Variants in CCDC77 observed in about 807,000 individuals in gnomAD.
The protein encoded by CCDC77 is coiled-coil domain-containing protein 77.
A neutral mutation model predicts 66.8 loss-of-function variants in CCDC77; 56 were observed. That is an observed-to-expected ratio of 0.84 (90% CI 0.68 to 1.05). CCDC77 has a LOEUF of 1.05. CCDC77 is among the 50% of genes least tolerant of loss of function. The probability of loss-of-function intolerance (pLI) is 0.00; values close to 1 mark genes in which losing one functional copy is unlikely to be tolerated. For synonymous variants in CCDC77, 196 were observed against 195.2 expected, an observed-to-expected ratio of 1.00 and a Z score of -0.03; for missense variants, 570 against 576.8, an observed-to-expected ratio of 0.99 and a Z score of 0.12.
At position 423,470 on chromosome 12, in the gene CCDC77, G is replaced by GTGTTTTTTTTT. The variant is rs1565572116; in HGVS notation, c.413+4835_413+4836insGTTTTTTTTTT. ...TTGTTATTTTCTGGGTGTTTTTTGT[G>GTGTTTTTTTTT]TTTTTTGTGTTTTTTTTTGTTTTGT... is the stretch of plus-strand genomic sequence containing the variant. On this transcript the variant is annotated intron_variant, in intron 5 of 12. Transcript: ENST00000239830. 2.5e-4 allele frequency among the ~76,000 whole-genome samples: 11 copies of GTGTTTTTTTTT among 44,872 alleles called. 2 individuals carry two copies. The highest frequency in any genetic ancestry group is 2.0e-3 in the Admixed American group (6 of 3,074). 29.4% of individuals were successfully genotyped at this position (44,872 alleles called of 152,430 possible). A position where few individuals can be genotyped will look rare whatever the true frequency, so the allele number is the denominator to read the frequency against.
chr12:393,293 T>C (rs1944782812), intron 1 of CCDC77, among the ~76,000 whole-genome samples: 1 of 151,926 alleles, frequency 6.6e-6, no homozygotes, highest in Admixed American at 6.6e-5. Context: ...AAAAATTTTT[T>C]TGTAGACATG....
At chr12:417,290 C>T (rs572578417) in intron 4 of CCDC77, among the ~76,000 whole-genome samples, 6 of 152,248 alleles carry the variant, frequency 3.9e-5, no homozygotes, top group Non-Finnish European at 8.8e-5. Context: ...CTGACAACAT[C>T]AGGCTCTCTC....
intron 7 of CCDC77, among the ~76,000 whole-genome samples, chr12:431,455 C>G (rs1023564081): frequency 6.6e-6 from 1 of 152,076 alleles, no homozygotes; most frequent in Admixed American, 6.5e-5. Context: ...GTTTTGAACT[C>G]CTGGCTTCAA....
chr12:435,605 A>AACTTAGT (rs1178197744), intron 9 of CCDC77, among the ~76,000 whole-genome samples: 7 of 152,242 alleles, frequency 4.6e-5, no homozygotes, highest in Non-Finnish European at 8.8e-5. Context: ...AGAACTCCAC[A>AACTTAGT]ACTTAGTACT....
rs148408432 is a variant in CCDC77 at position 409,805 on chromosome 12, C to T, written c.38+384C>T. The T allele has an allele frequency of 0.031, 4,704 of 152,538 alleles. 432 individuals are homozygous for T. In the East Asian group the frequency reaches 0.31, roughly 10 times the overall value. 9.4% of individuals were successfully genotyped at this position (152,538 alleles called of 1,614,324 possible). On this transcript the variant is annotated intron_variant, in intron 3 of 12. Transcript: ENST00000239830. Reference sequence around the variant, plus strand: ...GGTCAGGCGTTTGAGACCAGCCTGGCCAACATGGTGAAACTCCGTCTCTAC... The same window carrying T: ...GGTCAGGCGTTTGAGACCAGCCTGGTCAACATGGTGAAACTCCGTCTCTAC...
chr12:405,616 A>C (rs186338183), intron 2 of CCDC77, 52 bp downstream of exon 2: 2 of 152,302 alleles, frequency 1.3e-5, no homozygotes, highest in East Asian at 3.9e-4. Flanking sequence ...TAGAAGAAAG[A>C]TGGCGTATTT....
At chr12:431,662 T>C (rs1282303110) in intron 7 of CCDC77, among the ~76,000 whole-genome samples, 1 of 152,232 alleles carries the variant, frequency 6.6e-6, no homozygotes, top group Non-Finnish European at 1.5e-5. Context: ...CAGAGTTCCC[T>C]TATAGAGATT....
chr12:394,578 C>T (rs1413196163), intron 1 of CCDC77, among the ~76,000 whole-genome samples: 1 of 152,118 alleles, frequency 6.6e-6, no homozygotes, highest in Non-Finnish European at 1.5e-5. Context: ...TTGTTTAGGC[C>T]CTTTCTCTCA....
intron 5 of CCDC77, among the ~76,000 whole-genome samples, chr12:424,165 T>C (rs760392832): frequency 4.6e-5 from 7 of 151,966 alleles, no homozygotes; most frequent in Non-Finnish European, 7.4e-5. Context: ...GAGTCAGAGT[T>C]TCGCGATGTT....
At chr12:416,138 G>A (rs1021270162) in intron 4 of CCDC77, among the ~76,000 whole-genome samples, 16 of 150,962 alleles carry the variant, frequency 1.1e-4, no homozygotes, top group Non-Finnish European at 1.5e-4. Flanking sequence ...ACAGAATCTC[G>A]CTCTGTTGTC....
At position 433,496 on chromosome 12, in the gene CCDC77, G is replaced by A. The variant is rs530253310; in HGVS notation, c.821+174G>A. 5.7e-5 allele frequency: 79 copies of A among 1,397,534 alleles called. No homozygotes were observed. In the South Asian group the frequency reaches 1.1e-3, roughly 19 times the overall value. 86.6% of individuals were successfully genotyped at this position (1,397,534 alleles called of 1,614,324 possible). A position where few individuals can be genotyped will look rare whatever the true frequency, so the allele number is the denominator to read the frequency against. ...AGGTGAGTACCTCGCTTTTCCAGGC[G>A]TGCTGTTGAAGAGCTGATGAGTATT... On this transcript the variant is annotated intron_variant, in intron 9 of 12. Transcript: ENST00000239830.
At chr12:416,371 GTGTGTGTATATATATATATATATATA>G (rs1290652285) in intron 4 of CCDC77, among the ~76,000 whole-genome samples, 4 of 27,654 alleles carry the variant, frequency 1.4e-4, no homozygotes, top group East Asian at 7.6e-4. Context: ...GTGTGTGTGT[GTGTGTGTATATATATATATATATATA>G]TATATATATA....
At chr12:415,393 T>C (rs11062849) in intron 4 of CCDC77, among the ~76,000 whole-genome samples, 12 of 88,552 alleles carry the variant, frequency 1.4e-4, no homozygotes, top group South Asian at 4.4e-4. Context: ...ATTATGTTAA[T>C]ATAATCAACA....
At chr12:427,052 C>T (rs1945547101) in intron 5 of CCDC77, among the ~76,000 whole-genome samples, 1 of 152,126 alleles carries the variant, frequency 6.6e-6, no homozygotes, top group South Asian at 2.1e-4. Context: ...CAAGACCAGC[C>T]TGGCCAACAT....
upstream of CCDC77, chr12:401,493 G>C (rs1591956933): frequency 1.3e-5 from 2 of 152,264 alleles, no homozygotes; most frequent in Non-Finnish European, 2.9e-5. Flanking sequence ...GCGCGGTCGG[G>C]AGCACCGCGA....
chr12:407,852 A>T (rs1413514767), intron 2 of CCDC77, among the ~76,000 whole-genome samples: 1 of 137,460 alleles, frequency 7.3e-6, no homozygotes, highest in Non-Finnish European at 1.5e-5. Flanking sequence ...CAATGGCGCA[A>T]TCTCGGCTCA....
At chr12:413,178 T>C (rs915773538) in intron 4 of CCDC77, among the ~76,000 whole-genome samples, 2 of 151,622 alleles carry the variant, frequency 1.3e-5, no homozygotes, top group African/African-American at 4.9e-5. Flanking sequence ...GACCTCGTGA[T>C]CTGCCCACCT....
At chr12:414,364 A>G (rs532353610) in intron 4 of CCDC77, among the ~76,000 whole-genome samples, 1 of 149,630 alleles carries the variant, frequency 6.7e-6, no homozygotes. Context: ...TGCTGGGATT[A>G]CAGGCGTGAG....
intron 5 of CCDC77, among the ~76,000 whole-genome samples, chr12:426,150 ACCGCGCCCAG>A (rs1443594895): frequency 6.6e-6 from 1 of 152,208 alleles, no homozygotes; most frequent in Non-Finnish European, 1.5e-5. Context: ...GGTGTGAGCT[ACCGCGCCCAG>A]CCCAGATTCT....
Sources: allele counts gnomAD v4.1 joint callset (sites outside exome capture counted in the v4.1 genomes callset), GRCh38; gene constraint gnomAD v4.1.1; transcripts MANE v1.5; gene names NCBI Gene and HGNC (gene_info 2026-07-23, HGNC 2026-07-21).